RFX7: variants seen among roughly 807,000 people sequenced by gnomAD.
RFX7 encodes regulatory factor X7, also known as DNA-binding protein RFX7.
In RFX7, 26 loss-of-function variants were observed where a neutral mutation model predicts 111.8. The ratio of observed to expected loss-of-function variants is 0.23; its 90% CI spans 0.17 to 0.32. The LOEUF (loss-of-function observed/expected upper bound fraction) is 0.32. Among genes scored for constraint, RFX7 ranks in the 10% least tolerant of loss-of-function variants. The probability of loss-of-function intolerance (pLI) is 1.00; values close to 1 mark genes in which losing one functional copy is unlikely to be tolerated. For synonymous variants in RFX7, 624 were observed against 624.4 expected (o/e 1.00, Z 0.01); for missense variants, 1,573 against 1,772.9 (o/e 0.89, Z 2.02).
At chr15:56,170,587 G>A (rs1215487181) in intron 3 of RFX7, among the ~76,000 whole-genome samples, 1 of 152,088 alleles carries the variant, frequency 6.6e-6, no homozygotes, top group Admixed American at 6.6e-5. Flanking sequence ...ATTGCCTCTG[G>A]TTGAGAAGCA....
chr15:56,122,554 T>G (rs1296391441), intron 5 of RFX7, among the ~76,000 whole-genome samples: 3 of 152,190 alleles, frequency 2.0e-5, no homozygotes, highest in Non-Finnish European at 4.4e-5. Context: ...ATGTTCTCAC[T>G]CAAGCCCTAG....
intron 2 of RFX7, among the ~76,000 whole-genome samples, chr15:56,211,646 A>C (rs2043313896): frequency 6.6e-6 from 1 of 152,152 alleles, no homozygotes; most frequent in Admixed American, 6.5e-5. Flanking sequence ...TTTACAAAAG[A>C]CACATCAGAT....
At chr15:56,214,071 T>A (rs2043339012) in intron 2 of RFX7, among the ~76,000 whole-genome samples, 1 of 152,156 alleles carries the variant, frequency 6.6e-6, no homozygotes, top group Non-Finnish European at 1.5e-5. Flanking sequence ...ATGCATGAGT[T>A]TTTTTCTAGG....
intron 5 of RFX7, among the ~76,000 whole-genome samples, chr15:56,111,175 G>C (rs9672209): frequency 1.5e-5 from 2 of 130,914 alleles, no homozygotes; most frequent in African/African-American, 5.5e-5. Context: ...GAACGGGCCA[G>C]GATGACAATG....
intron 3 of RFX7, among the ~76,000 whole-genome samples, chr15:56,178,520 G>A (rs1253661891): frequency 6.6e-6 from 1 of 152,126 alleles, no homozygotes; most frequent in African/African-American, 2.4e-5. Flanking sequence ...AGTGGGGAAA[G>A]AGAACTAACT....
chr15:56,204,575 A>G (rs1474176854), intron 2 of RFX7, among the ~76,000 whole-genome samples: 5 of 152,196 alleles, frequency 3.3e-5, no homozygotes, highest in African/African-American at 1.2e-4. Flanking sequence ...TTGAGGGTCT[A>G]GATCCTTACA....
chr15:56,179,991 G>A (rs143304547), intron 2 of RFX7, among the ~76,000 whole-genome samples: 16 of 152,126 alleles, frequency 1.1e-4, no homozygotes, highest in Admixed American at 9.8e-4. Context: ...AATGAAGCCA[G>A]TATAAAATAA....
intron 5 of RFX7, among the ~76,000 whole-genome samples, chr15:56,122,797 C>A (rs536729504): frequency 1.2e-4 from 19 of 152,124 alleles, no homozygotes; most frequent in Admixed American, 2.6e-4. Context: ...GAGGAGTCTC[C>A]CCGTGTCCAC....
chr15:56,093,533 T>C lies in RFX7; in HGVS notation c.4195A>G (p.Thr1399Ala). 1 of 1,613,846 alleles carries C rather than the reference T, an allele frequency of 6.2e-7. No individual in the cohort carries two copies. The highest frequency in any genetic ancestry group is 8.5e-7 in the Non-Finnish European group (1 of 1,179,784). The change falls in exon 10 of 10, where the codon ACT becomes GCT. Residue 1399 changes from threonine to alanine, a missense_variant. Physicochemically the swap from Thr to Ala is moderately conservative, Grantham distance 58. Around this residue, in one of 7 missense-constraint regions of RFX7, gnomAD observed 411 missense variants for 478.1 expected, o/e 0.86. Transcript: ENST00000559447. ...ELSGSINDLN[T>A]LDPNLLFDPG... Reference sequence around the variant, plus strand: ...TCAAACAGTAGATTTGGGTCTAAAGTGTTCAAATCATTGATGCTGCCTGAG... The same window carrying C: ...TCAAACAGTAGATTTGGGTCTAAAGCGTTCAAATCATTGATGCTGCCTGAG...
At chr15:56,107,093 C>G (rs552580182) in intron 5 of RFX7, among the ~76,000 whole-genome samples, 2 of 151,894 alleles carry the variant, frequency 1.3e-5, no homozygotes, top group Non-Finnish European at 2.9e-5. Context: ...GTCAGGAGAT[C>G]GAGACCATCC....
intron 3 of RFX7, among the ~76,000 whole-genome samples, chr15:56,171,200 A>ATTCCT (rs1339863043): frequency 2.6e-5 from 4 of 152,172 alleles, no homozygotes; most frequent in African/African-American, 9.7e-5. Context: ...AGGCTGAGGA[A>ATTCCT]GAGTCAAGAC....
Position 56,096,231 on chromosome 15 carries a change from T to G in RFX7, c.1497A>C (p.Thr499=), listed in dbSNP as rs759102226. Residue 499 remains threonine, a synonymous_variant, in exon 10 of 10, where the codon ACA becomes ACC. Transcript: ENST00000559447. ...LKHSASVSSA[T]GTTEESRSVP... ...CACTCCTTGATTCTTCTGTTGTTCC[T>G]GTAGCACTGCTGACTGAGGCAGAAT... 2 of 1,613,890 alleles carry G rather than the reference T, an allele frequency of 1.2e-6. No individual in the cohort carries two copies. Among genetic ancestry groups the G allele is most frequent in the Non-Finnish European group, 1.7e-6 (2 of 1,179,886 alleles).
rs1178111474 is a variant in RFX7 at position 56,089,546 on chromosome 15, A to C, written c.*3799T>G. ...GGTGTTACACAGTATTTTCACCCCC[A>C]GAATTTCTTACTGGTTGACTCTATG... On this transcript the variant is annotated 3_prime_UTR_variant, in exon 10 of 10. Coordinates refer to ENST00000559447, the MANE Select transcript of RFX7 (RefSeq NM_022841.7). 1 of 152,106 alleles carries C rather than the reference A, an allele frequency of 6.6e-6. No individual in the cohort carries two copies. Among genetic ancestry groups the C allele is most frequent in the Non-Finnish European group, 1.5e-5 (1 of 68,022 alleles). The allele number at this position is 152,106 out of a possible 1,614,324, so 9.4% of individuals were successfully genotyped here.
intron 5 of RFX7, among the ~76,000 whole-genome samples, 155 bp from the exon 6 acceptor site, chr15:56,103,825 C>T (rs1409563713): frequency 1.3e-5 from 2 of 152,208 alleles, no homozygotes; most frequent in Admixed American, 6.5e-5. Flanking sequence ...TTTGGTGATG[C>T]ATGTTAACTC....
chr15:56,159,840 A>G (rs2042700158), intron 3 of RFX7, among the ~76,000 whole-genome samples: 1 of 152,324 alleles, frequency 6.6e-6, no homozygotes, highest in Admixed American at 6.5e-5. Flanking sequence ...AGCAGATGGT[A>G]AGGAACTATG....
chr15:56,179,761 A>AACACACACACACAC lies in RFX7; in HGVS notation c.162-472_162-459dup, dbSNP rs58597217. ...TTCTGTTCCCTCCTCTCTCTGTCTC[A>AACACACACACACAC]ACACACACACACACACACACACACA... On this transcript the variant is annotated intron_variant, in intron 2 of 9. Transcript: ENST00000559447. Among the ~76,000 whole-genome samples the AACACACACACACAC allele has an allele frequency of 9.5e-4, 130 of 137,402 alleles. 1 individual carries two copies. Among genetic ancestry groups the AACACACACACACAC allele is most frequent in the Non-Finnish European group, 1.2e-3 (77 of 64,110 alleles). 90.1% of individuals were successfully genotyped at this position (137,402 alleles called of 152,430 possible).
intron 5 of RFX7, among the ~76,000 whole-genome samples, chr15:56,141,126 A>G (rs1234954604): frequency 2.0e-5 from 3 of 152,176 alleles, no homozygotes; most frequent in Admixed American, 2.0e-4. Context: ...CAACTTTTAG[A>G]ATTTTAGAGC....
At chr15:56,191,700 AC>A (rs2043102250) in intron 2 of RFX7, among the ~76,000 whole-genome samples, 1 of 152,200 alleles carries the variant, frequency 6.6e-6, no homozygotes, top group Admixed American at 6.5e-5. Flanking sequence ...GGAAAAAAAA[AC>A]CAGACAGATA....
At chr15:56,109,035 C>CCCACTCCCTCTG (rs1475034179) in intron 5 of RFX7, among the ~76,000 whole-genome samples, 11 of 151,276 alleles carry the variant, frequency 7.3e-5, no homozygotes, top group Admixed American at 4.0e-4. Flanking sequence ...CTCTCCCTCT[C>CCCACTCCCTCTG]CCTCTCCCAC....
Sources: gnomAD v4.1 joint callset for allele counts (sites outside exome capture counted in the v4.1 genomes callset) on GRCh38, gnomAD v4.1.1 for gene constraint, gnomAD v4.1.1 regional missense constraint, MANE v1.5 for transcripts, NCBI Gene and HGNC (gene_info 2026-07-23, HGNC 2026-07-21) for gene names.